JMJD7: variants seen among roughly 807,000 people sequenced by gnomAD.
JMJD7 encodes jumonji domain containing 7.
JMJD7 carries 41 observed loss-of-function variants against 41.1 expected under a neutral mutation model. That is an observed-to-expected ratio of 1.00 (90% confidence interval 0.78 to 1.30). The LOEUF (loss-of-function observed/expected upper bound fraction) is 1.30. Ranked by LOEUF, JMJD7 falls within the 50% of genes most tolerant of loss-of-function variation. JMJD7 has a pLI of 0.00. For missense variants in JMJD7, 480 were observed against 420.7 expected, an observed-to-expected ratio of 1.14 and a Z score of -1.23; for synonymous variants, 202 against 177.2, an observed-to-expected ratio of 1.14 and a Z score of -1.11.
intron 1 of JMJD7, among the ~76,000 whole-genome samples, chr15:41,830,410 G>A (rs1210350033): frequency 6.6e-6 from 1 of 152,262 alleles, no homozygotes. Flanking sequence ...CGCCGCTGTG[G>A]GGAAAACGTG....
chr15:41,836,505 C>A lies in JMJD7; in HGVS notation c.656C>A (p.Thr219Asn). 6.3e-7 allele frequency: 1 copy of A among 1,592,908 alleles called. No homozygotes were observed. Among genetic ancestry groups the A allele is most frequent in the South Asian group, 1.1e-5 (1 of 87,586 alleles). ...TACACGCCGGCAACCTACCAGCTAACTGAAGAGGGCACCTTTAAGGTGGTG... is the reference window on the plus strand; with the variant it reads ...TACACGCCGGCAACCTACCAGCTAAATGAAGAGGGCACCTTTAAGGTGGTG... ...ELYTPATYQL[T>N]EEGTFKVVDE... Residue 219 changes from threonine (T) to asparagine (N), a missense_variant, in exon 6 of 8, where the codon ACT (threonine) becomes AAT (asparagine). By Grantham distance (65) the Thr-to-Asn change is moderately conservative (BLOSUM62 0). Coordinates refer to ENST00000397299, the MANE Select transcript of JMJD7 (RefSeq NM_001114632.2).
intron 1 of JMJD7, among the ~76,000 whole-genome samples, chr15:41,833,414 A>ATATATATTTTTTTTTT (rs1239528383): frequency 1.2e-4 from 4 of 32,014 alleles, no homozygotes; most frequent in African/African-American, 1.9e-4. Context: ...ATATATATAT[A>ATATATATTTTTTTTTT]TTTTTTTTTT....
Position 41,837,430 on chromosome 15 carries a change from G to C in JMJD7, c.*274G>C, listed in dbSNP as rs976633397. Reference sequence around the variant, plus strand: ...ACCTCTCCCCAGCGCTGTGATGTTGGGCGAGTCACTGCGTCTCGGGCATTG... The same window carrying C: ...ACCTCTCCCCAGCGCTGTGATGTTGCGCGAGTCACTGCGTCTCGGGCATTG... On this transcript the variant is annotated 3_prime_UTR_variant, in exon 8 of 8. Transcript: ENST00000397299. 2.0e-6 allele frequency: 1 copy of C among 506,970 alleles called. No individual in the cohort carries two copies. The highest frequency in any genetic ancestry group is 1.9e-5 in the African/African-American group (1 of 51,736). The allele number at this position is 506,970 out of a possible 1,614,324, so 31.4% of individuals were successfully genotyped here.
rs2065328812 is a variant in JMJD7, at chr15:41,836,879, G to A, written c.801G>A (p.Glu267=). ...QALRCTVRAG[E]MLYLPALWFH... ...TTCGCTGCACGGTGCGGGCCGGTGA[G>A]ATGCTCTATCTGCCGGCTCTGTGGT... The change falls in exon 7 of 8, where the codon GAG becomes GAA. Residue 267 remains glutamate, a synonymous_variant. Coordinates refer to ENST00000397299, the MANE Select transcript of JMJD7 (RefSeq NM_001114632.2). 6.2e-7 allele frequency: 1 copy of A among 1,613,524 alleles called. No individual in the cohort carries two copies. Among genetic ancestry groups the A allele is most frequent in the Non-Finnish European group, 8.5e-7 (1 of 1,179,800 alleles).
At chr15:41,828,262 G>T in intron 1 of JMJD7, 74 bp downstream of exon 1, 2 of 1,439,556 alleles carry the variant, frequency 1.4e-6, no homozygotes, top group South Asian at 1.5e-5. Context: ...GACACCGGGG[G>T]CTCGGAACCT....
intron 5 of JMJD7, 97 bp from the exon 6 acceptor site, chr15:41,836,378 C>G: frequency 1.3e-6 from 2 of 1,549,188 alleles, no homozygotes; most frequent in Non-Finnish European, 1.8e-6. Context: ...GGCCCCTGAT[C>G]CCCTTGCCCC....
chr15:41,832,616 G>A (rs751536682), intron 1 of JMJD7: 2 of 152,238 alleles, frequency 1.3e-5, no homozygotes, highest in Non-Finnish European at 2.9e-5. Context: ...TCTAGCCAGG[G>A]AAGCAAGCAG....
chr15:41,833,812 A>C (rs1362077449), intron 1 of JMJD7, among the ~76,000 whole-genome samples: 2 of 152,112 alleles, frequency 1.3e-5, no homozygotes, highest in African/African-American at 2.4e-5. Flanking sequence ...ACAGATTATA[A>C]ATTTAGAAAG....
At chr15:41,830,273 TACTC>T (rs755819200) in intron 1 of JMJD7, among the ~76,000 whole-genome samples, 29 of 152,292 alleles carry the variant, frequency 1.9e-4, no homozygotes, top group Non-Finnish European at 2.9e-4. Flanking sequence ...AGTACAAAAA[TACTC>T]ACACATGTGC....
chr15:41,837,000 G>C lies in JMJD7; in HGVS notation c.862+60G>C, dbSNP rs147096097. 479 of 1,609,682 alleles carry C rather than the reference G, an allele frequency of 3.0e-4. 5 individuals are homozygous for C. In the East Asian group the frequency reaches 7.0e-3, roughly 23 times the overall value. ...CTGTCAAGGTCCAGCAGGGCCTCTG[G>C]GGGGAGGCTTGGGAGGCTCTAGGTC... On this transcript the variant is annotated intron_variant, in intron 7 of 7. Transcript: ENST00000397299.
chr15:41,837,485 C>G lies in JMJD7; in HGVS notation c.*329C>G, dbSNP rs542536911. The G allele has an allele frequency of 1.4e-3, 505 of 370,298 alleles. No homozygotes were observed. Among genetic ancestry groups the G allele is most frequent in the Middle Eastern group, 5.1e-3 (7 of 1,380 alleles). The allele number at this position is 370,298 out of a possible 1,614,324, so 22.9% of individuals were successfully genotyped here. ...CCTGTCAGTAAAGAGATAATAATGG[C>G]TGTACCTCGCGGGGCTGTTGTGGGC... On this transcript the variant is annotated 3_prime_UTR_variant, in exon 8 of 8. Coordinates refer to ENST00000397299, the MANE Select transcript of JMJD7 (RefSeq NM_001114632.2).
chr15:41,832,913 A>G (rs2140876698), intron 1 of JMJD7, among the ~76,000 whole-genome samples: 1 of 152,274 alleles, frequency 6.6e-6, no homozygotes, highest in Middle Eastern at 3.4e-3. Flanking sequence ...AACCAGTAGA[A>G]AGACACTCCA....
chr15:41,828,298 C>G, intron 1 of JMJD7, 110 bp downstream of exon 1: 1 of 1,309,408 alleles, frequency 7.6e-7, no homozygotes, highest in Non-Finnish European at 1.0e-6. Flanking sequence ...CCTGAGGCCC[C>G]GCTCGGGTTG....
chr15:41,831,884 A>T (rs2412640), intron 1 of JMJD7, among the ~76,000 whole-genome samples: 4 of 151,976 alleles, frequency 2.6e-5, no homozygotes, highest in Non-Finnish European at 5.9e-5. Flanking sequence ...CATGAAGAGG[A>T]CTGAACCATG....
At chr15:41,836,121 GC>G (rs768243489) in intron 4 of JMJD7, 26 bp from the exon 5 acceptor site, 2 of 1,567,726 alleles carry the variant, frequency 1.3e-6, no homozygotes, top group East Asian at 2.2e-5. Context: ...TCCATACCCT[GC>G]CCCCGGGCCT....
At position 41,837,210 on chromosome 15, in the gene JMJD7, C is replaced by G. The variant is rs976684452; in HGVS notation, c.*54C>G. On this transcript the variant is annotated 3_prime_UTR_variant, in exon 8 of 8. Transcript: ENST00000397299. The stretch of plus-strand genomic sequence containing the variant: ...GCCTCGGGGGACGGAGCCAGCCCCT[C>G]CCTGGCCAGGTCAATTCTCGAGAGA... 7 of 1,290,656 alleles carry G rather than the reference C, an allele frequency of 5.4e-6. No individual in the cohort carries two copies. Among genetic ancestry groups the G allele is most frequent in the Non-Finnish European group, 7.7e-6 (7 of 904,678 alleles). The allele number at this position is 1,290,656 out of a possible 1,614,324, so 80.0% of individuals were successfully genotyped here.
At chr15:41,830,424 A>C (rs2065213056) in intron 1 of JMJD7, among the ~76,000 whole-genome samples, 2 of 152,212 alleles carry the variant, frequency 1.3e-5, no homozygotes, top group Admixed American at 6.5e-5. Context: ...AAACGTGAAG[A>C]GGAGAGGCAG....
In JMJD7 at chr15:41,836,956, G is replaced by C. The variant is rs1251781393; in HGVS notation, c.862+16G>C. On this transcript the variant is annotated intron_variant, in intron 7 of 7. Transcript: ENST00000397299. ...TGCATCGCAGGTGAAGAGTTGCCCA[G>C]GCCGCCTGGGGAGAGGCCCTGTCAA... is the stretch of plus-strand genomic sequence containing the variant. 1.9e-6 allele frequency: 3 copies of C among 1,611,094 alleles called. No homozygotes were observed. In the African/African-American group the frequency reaches 4.0e-5, roughly 22 times the overall value.
intron 1 of JMJD7, chr15:41,828,420 C>G (rs960116496): frequency 4.5e-6 from 2 of 446,378 alleles, no homozygotes; most frequent in Non-Finnish European, 7.7e-6. Flanking sequence ...ACCGTGGTCG[C>G]GGCGAAGCCC....
Sources: allele counts gnomAD v4.1 joint callset (sites outside exome capture counted in the v4.1 genomes callset), GRCh38; gene constraint gnomAD v4.1.1; transcripts MANE v1.5; gene names NCBI Gene and HGNC (gene_info 2026-07-23, HGNC 2026-07-21).